USH2A: variants seen among roughly 807,000 people sequenced by gnomAD.
The protein encoded by USH2A is usherin.
A neutral mutation model predicts 538.9 loss-of-function variants in USH2A; 443 were observed. The observed-to-expected ratio is 0.82, with a 90% CI of 0.76 to 0.89. The LOEUF is 0.89. Among genes scored for constraint, USH2A ranks in the 40% least tolerant of loss-of-function variants. USH2A has a pLI of 0.00. For synonymous variants in USH2A, 2,413 were observed against 2,273.5 expected (o/e 1.06, Z -1.75); for missense variants, 6,633 against 6,324.8 (o/e 1.05, Z -1.65).
chr1:215,933,092 C>T (rs1199305602), intron 38 of USH2A, among the ~76,000 whole-genome samples: 2 of 151,742 alleles, frequency 1.3e-5, no homozygotes, highest in Non-Finnish European at 2.9e-5. Context: ...AGTATAAATA[C>T]CCTAAAATAA....
intron 32 of USH2A, among the ~76,000 whole-genome samples, chr1:216,011,679 C>A (rs1012440563): frequency 6.6e-6 from 1 of 151,960 alleles, no homozygotes; most frequent in Non-Finnish European, 1.5e-5. Flanking sequence ...TAGAGGCCCT[C>A]AAAATCACAA....
At position 216,324,436 on chromosome 1, in the gene USH2A, A is replaced by G. The variant is rs147618430; in HGVS notation, c.1144-84T>C. ...TCAAACCATGGAATTATTAGATTCA[A>G]ATATATTGGCTCACTTCATCATAAT... is the stretch of plus-strand genomic sequence containing the variant. On this transcript the variant is annotated intron_variant, in intron 6 of 71. Coordinates refer to ENST00000307340, the MANE Select transcript of USH2A (RefSeq NM_206933.4). 19 of 1,269,632 alleles carry G rather than the reference A, an allele frequency of 1.5e-5. No homozygotes were observed. The East Asian group carries it at 4.5e-4, about 30-fold the overall frequency. The allele number at this position is 1,269,632 out of a possible 1,614,324, so 78.6% of individuals were successfully genotyped here. A position where few individuals can be genotyped will look rare whatever the true frequency, so the allele number is the denominator to read the frequency against.
intron 42 of USH2A, 39 bp downstream of exon 42, chr1:215,878,725 G>T (rs752415414): frequency 1.9e-6 from 3 of 1,593,880 alleles, no homozygotes; most frequent in Non-Finnish European, 2.6e-6. Flanking sequence ...GAGAGATAAG[G>T]ACTACAGCAA....
chr1:216,029,975 G>T (rs1669058016), intron 32 of USH2A, among the ~76,000 whole-genome samples: 1 of 102,132 alleles, frequency 9.8e-6, no homozygotes, highest in Non-Finnish European at 2.2e-5. Flanking sequence ...TAGATAGAGA[G>T]AGATATAGAT....
At chr1:215,644,934 C>G (rs2102639976) in intron 67 of USH2A, among the ~76,000 whole-genome samples, 1 of 152,160 alleles carries the variant, frequency 6.6e-6, no homozygotes, top group South Asian at 2.1e-4. Context: ...GTGAGATACA[C>G]AGAAAGATTA....
intron 34 of USH2A, among the ~76,000 whole-genome samples, chr1:215,994,905 G>A (rs1571873912): frequency 1.3e-5 from 2 of 152,040 alleles, no homozygotes; most frequent in East Asian, 3.9e-4. Context: ...AGTTATCAAA[G>A]GAAAAATGGT....
intron 49 of USH2A, among the ~76,000 whole-genome samples, chr1:215,801,670 G>A (rs114343679): frequency 0.018 from 2,754 of 152,218 alleles, 87 homozygotes; most frequent in African/African-American, 0.063. Flanking sequence ...TATGGACTGG[G>A]AGCCTTAATG....
chr1:215,901,078 T>C, intron 38 of USH2A, 173 bp from the exon 39 acceptor site: 1 of 803,856 alleles, frequency 1.2e-6, no homozygotes, highest in African/African-American at 1.7e-5. Flanking sequence ...TTCCTTATTG[T>C]TCATTTCAAC....
chr1:215,736,101 C>T (rs1337805879), intron 60 of USH2A, among the ~76,000 whole-genome samples: 1 of 152,136 alleles, frequency 6.6e-6, no homozygotes, highest in Non-Finnish European at 1.5e-5. Context: ...AAATGCCACA[C>T]TCTTTCCACT....
At chr1:216,101,825 T>C (rs1540958) in intron 21 of USH2A, among the ~76,000 whole-genome samples, 3,518 of 152,312 alleles carry the variant, frequency 0.023, 143 homozygotes, top group African/African-American at 0.078. Context: ...AAGGAACACA[T>C]ACTTTGTACA....
chr1:216,239,218 A>G lies in USH2A; in HGVS notation c.2810-7082T>C, dbSNP rs1248747498. 2.0e-5 allele frequency among the ~76,000 whole-genome samples: 3 copies of G among 152,266 alleles called. No individual in the cohort carries two copies. The East Asian group carries it at 5.8e-4, about 29-fold the overall frequency. On this transcript the variant is annotated intron_variant, in intron 13 of 71. Transcript: ENST00000307340. ...ATTGCTCTTTTCGTGGGCTATGAATATGTGCAGACTATATCTTGTTTTGTT... is the reference window on the plus strand; with the variant it reads ...ATTGCTCTTTTCGTGGGCTATGAATGTGTGCAGACTATATCTTGTTTTGTT...
chr1:215,655,676 C>T (rs1657221972), intron 64 of USH2A, among the ~76,000 whole-genome samples: 1 of 150,148 alleles, frequency 6.7e-6, no homozygotes, highest in Non-Finnish European at 1.5e-5. Context: ...TATCAGAAAT[C>T]TCCAAGAATG....
At chr1:215,663,900 G>T (rs74533835) in intron 64 of USH2A, among the ~76,000 whole-genome samples, 3,120 of 152,148 alleles carry the variant, frequency 0.021, 101 homozygotes, top group African/African-American at 0.069. Context: ...GCACAGAAAG[G>T]GCTTGAATCT....
chr1:216,152,685 A>T (rs2033863849), intron 21 of USH2A, among the ~76,000 whole-genome samples: 1 of 152,194 alleles, frequency 6.6e-6, no homozygotes, highest in Non-Finnish European at 1.5e-5. Flanking sequence ...ACGGACACGC[A>T]TGAAATCCTG....
chr1:216,052,375 AAAAG>A (rs1183354759), intron 30 of USH2A, among the ~76,000 whole-genome samples: 2 of 151,798 alleles, frequency 1.3e-5, no homozygotes, highest in African/African-American at 4.8e-5. Context: ...AAAAAAAAAA[AAAAG>A]AAAGAAAAAG....
chr1:216,161,100 A>G (rs1308331993), intron 21 of USH2A, among the ~76,000 whole-genome samples: 1 of 152,096 alleles, frequency 6.6e-6, no homozygotes, highest in Non-Finnish European at 1.5e-5. Context: ...GTATGTTTAT[A>G]AGAATAAACA....
At chr1:215,709,116 G>C (rs1659264128) in intron 61 of USH2A, among the ~76,000 whole-genome samples, 2 of 151,762 alleles carry the variant, frequency 1.3e-5, no homozygotes, top group Admixed American at 1.3e-4. Flanking sequence ...GATCAGAAGT[G>C]TCAACAAAAT....
At chr1:216,361,985 G>A (rs1192111510) in intron 4 of USH2A, among the ~76,000 whole-genome samples, 1 of 152,062 alleles carries the variant, frequency 6.6e-6, no homozygotes, top group Non-Finnish European at 1.5e-5. Flanking sequence ...TCTTTACAGT[G>A]GATGTTCATT....
chr1:216,007,355 AAAAC>A (rs1668419882), intron 32 of USH2A, among the ~76,000 whole-genome samples: 1 of 151,806 alleles, frequency 6.6e-6, no homozygotes, highest in South Asian at 2.1e-4. Context: ...GGCAGAAAAA[AAAAC>A]AAAAAAATCT....
Sources: allele counts gnomAD v4.1 joint callset (sites outside exome capture counted in the v4.1 genomes callset), GRCh38; gene constraint gnomAD v4.1.1; transcripts MANE v1.5; gene names NCBI Gene and HGNC (gene_info 2026-07-23, HGNC 2026-07-21).